Variants in OSBPL6 observed in about 807,000 individuals in gnomAD.
OSBPL6 encodes the protein oxysterol-binding protein-related protein 6.
A neutral mutation model predicts 125.8 loss-of-function variants in OSBPL6; 49 were observed. The ratio of observed to expected loss-of-function variants is 0.39; its 90% confidence interval spans 0.31 to 0.49. OSBPL6 has a LOEUF of 0.49. OSBPL6 is among the 20% of genes least tolerant of loss of function. The pLI, the probability that OSBPL6 is intolerant of heterozygous loss-of-function variation, is 0.88. For missense variants in OSBPL6, 986 were observed against 1,135.4 expected, an observed-to-expected ratio of 0.87 and a Z score of 1.89; for synonymous variants, 394 against 391.8, an observed-to-expected ratio of 1.01 and a Z score of -0.07.
intron 11 of OSBPL6, among the ~76,000 whole-genome samples, chr2:178,340,654 A>G (rs1690114084): frequency 6.6e-6 from 1 of 152,130 alleles, no homozygotes; most frequent in Non-Finnish European, 1.5e-5. Flanking sequence ...ATTAGACTTT[A>G]TGATTTGACT....
At chr2:178,284,319 G>A (rs1228223980) in intron 1 of OSBPL6, among the ~76,000 whole-genome samples, 1 of 152,146 alleles carries the variant, frequency 6.6e-6, no homozygotes. Context: ...TTGGGAGGCC[G>A]AGGCAGGCAG....
Position 178,258,885 on chromosome 2 carries a change from T to G in OSBPL6, c.-350-26042T>G, listed in dbSNP as rs536589446. ...CAGATTCAAGTCTGTAAACGTCTGG[T>G]TTTTTTTAATCAGGAATATAATACT... On this transcript the variant is annotated intron_variant, in intron 1 of 24. Transcript: ENST00000190611. Among the ~76,000 whole-genome samples, 42 of 152,226 alleles carry G rather than the reference T, an allele frequency of 2.8e-4. No homozygotes were observed. In the Middle Eastern group the frequency reaches 0.01, roughly 37 times the overall value.
At chr2:178,366,222 C>T (rs1250207210) in intron 13 of OSBPL6, among the ~76,000 whole-genome samples, 1 of 152,122 alleles carries the variant, frequency 6.6e-6, no homozygotes, top group Non-Finnish European at 1.5e-5. Flanking sequence ...ACCCTGAACA[C>T]CAAAATGAAA....
intron 2 of OSBPL6, among the ~76,000 whole-genome samples, chr2:178,294,081 AAAT>A (rs1423648995): frequency 4.6e-5 from 7 of 152,192 alleles, no homozygotes; most frequent in Non-Finnish European, 1.0e-4. Context: ...TATTTTATTC[AAAT>A]AATAATGAAG....
chr2:178,204,084 C>T (rs1378396962), intron 1 of OSBPL6, among the ~76,000 whole-genome samples: 6 of 149,548 alleles, frequency 4.0e-5, no homozygotes, highest in South Asian at 2.1e-4. Flanking sequence ...AGTGCAGTGC[C>T]GCGATCTCTG....
chr2:178,213,945 C>T (rs1330636302), intron 1 of OSBPL6, among the ~76,000 whole-genome samples: 1 of 152,154 alleles, frequency 6.6e-6, no homozygotes, highest in Admixed American at 6.5e-5. Flanking sequence ...AAGCCCTCCC[C>T]AGTTGGTTAG....
intron 2 of OSBPL6, among the ~76,000 whole-genome samples, chr2:178,298,723 G>C (rs12693160): frequency 3.6e-5 from 5 of 138,732 alleles, no homozygotes; most frequent in Admixed American, 1.4e-4. Context: ...TTTTTTTGCC[G>C]TACTGTTCTC....
At chr2:178,294,716 ATTTT>A (rs34851252) in intron 2 of OSBPL6, among the ~76,000 whole-genome samples, 2 of 142,124 alleles carry the variant, frequency 1.4e-5, no homozygotes, top group Admixed American at 7.0e-5. Flanking sequence ...CACCACAGCT[ATTTT>A]TTTTTTTTTT....
At chr2:178,261,921 A>T (rs1231561162) in intron 1 of OSBPL6, among the ~76,000 whole-genome samples, 2 of 152,200 alleles carry the variant, frequency 1.3e-5, no homozygotes, top group Non-Finnish European at 2.9e-5. Flanking sequence ...TCATGTCCAC[A>T]GTGGTTCTGG....
intron 3 of OSBPL6, among the ~76,000 whole-genome samples, chr2:178,310,341 A>G (rs1247742795): frequency 1.3e-5 from 2 of 151,864 alleles, no homozygotes; most frequent in Non-Finnish European, 2.9e-5. Flanking sequence ...AGTAATATTT[A>G]ACTTACCAAG....
Position 178,312,724 on chromosome 2 carries a change from G to A in OSBPL6, c.102+6438G>A, listed in dbSNP as rs55682490. On this transcript the variant is annotated intron_variant, in intron 3 of 24. Coordinates refer to ENST00000190611, the MANE Select transcript of OSBPL6 (RefSeq NM_032523.4). ...ACCCACCTCAGCCTCCCAAAGTGCT[G>A]GGATTTCAGGCATGAGCCACCACAC... Among the ~76,000 whole-genome samples, 2,308 of 152,204 alleles carry A rather than the reference G, an allele frequency of 0.015. 105 individuals are homozygous for A. In the East Asian group the frequency reaches 0.18, roughly 12 times the overall value.
At chr2:178,386,724 GACACAC>G (rs10578361) in intron 19 of OSBPL6, among the ~76,000 whole-genome samples, 44 of 144,862 alleles carry the variant, frequency 3.0e-4, no homozygotes, top group Non-Finnish European at 3.6e-4. Context: ...CACACACACA[GACACAC>G]ACACACACAC....
chr2:178,195,185 T>C (rs1171320161), intron 1 of OSBPL6, among the ~76,000 whole-genome samples: 1 of 152,148 alleles, frequency 6.6e-6, no homozygotes, highest in African/African-American at 2.4e-5. Context: ...GAGGAGCGGC[T>C]GGGGAAGTTG....
intron 13 of OSBPL6, among the ~76,000 whole-genome samples, chr2:178,362,322 C>G (rs1692433177): frequency 6.6e-6 from 1 of 152,076 alleles, no homozygotes; most frequent in South Asian, 2.1e-4. Flanking sequence ...CTAAGTTATG[C>G]TCCCTGAACT....
chr2:178,271,749 A>G (rs1381444199), intron 1 of OSBPL6, among the ~76,000 whole-genome samples: 3 of 152,202 alleles, frequency 2.0e-5, no homozygotes, highest in South Asian at 2.1e-4. Context: ...GACTGACTCA[A>G]TTAAAACACT....
chr2:178,328,425 G>T, intron 5 of OSBPL6, 47 bp downstream of exon 5: 4 of 1,592,054 alleles, frequency 2.5e-6, no homozygotes, highest in Non-Finnish European at 3.4e-6. Flanking sequence ...CATAAATAAA[G>T]AAGATCTTAT....
chr2:178,337,229 G>C (rs1488752872), intron 9 of OSBPL6, among the ~76,000 whole-genome samples: 2 of 152,046 alleles, frequency 1.3e-5, no homozygotes, highest in East Asian at 3.8e-4. Context: ...ATCCTAAGAT[G>C]ATATTGGGCC....
In OSBPL6 at chr2:178,269,234, C is replaced by G. The variant is rs143299334; in HGVS notation, c.-350-15693C>G. 2.6e-3 allele frequency among the ~76,000 whole-genome samples: 400 copies of G among 152,284 alleles called. 1 individual carries two copies. Among genetic ancestry groups the G allele is most frequent in the African/African-American group, 9.0e-3 (373 of 41,554 alleles). On this transcript the variant is annotated intron_variant, in intron 1 of 24. Transcript: ENST00000190611. ...AGGGCATGTAGAGCTTCTGTGCCCCCCTTGGGTGTGTCACTCTTCCAGGAC... is the reference window on the plus strand; with the variant it reads ...AGGGCATGTAGAGCTTCTGTGCCCCGCTTGGGTGTGTCACTCTTCCAGGAC...
intron 6 of OSBPL6, 116 bp downstream of exon 6, chr2:178,331,721 C>A: frequency 9.2e-7 from 1 of 1,086,698 alleles, no homozygotes; most frequent in Non-Finnish European, 1.4e-6. Context: ...CATGTCTGGG[C>A]CTGTAAGATT....
Sources: allele counts gnomAD v4.1 joint callset (sites outside exome capture counted in the v4.1 genomes callset), GRCh38; gene constraint gnomAD v4.1.1; transcripts MANE v1.5; gene names NCBI Gene and HGNC (gene_info 2026-07-23, HGNC 2026-07-21).